TMC1: variants seen among roughly 807,000 people sequenced by gnomAD.
TMC1 encodes transmembrane channel like 1.
A neutral mutation model predicts 105.8 loss-of-function variants in TMC1; 84 were observed. The ratio of observed to expected loss-of-function variants is 0.79; its 90% CI spans 0.67 to 0.95. The LOEUF is 0.95. TMC1 is among the 40% of genes least tolerant of loss of function. The probability of loss-of-function intolerance (pLI) is 0.00; values close to 1 mark genes in which losing one functional copy is unlikely to be tolerated. For synonymous variants in TMC1, 315 were observed against 311.5 expected (o/e 1.01, Z -0.12); for missense variants, 817 against 914.1 (o/e 0.89, Z 1.37).
chr9:72,612,634 T>C (rs975338212), intron 2 of TMC1, among the ~76,000 whole-genome samples: 2 of 152,206 alleles, frequency 1.3e-5, no homozygotes, highest in African/African-American at 4.8e-5. Context: ...TAAAACTTTA[T>C]TTACAAAAAC....
chr9:72,685,232 G>A (rs994394817), intron 5 of TMC1, among the ~76,000 whole-genome samples: 1 of 149,508 alleles, frequency 6.7e-6, no homozygotes, highest in Non-Finnish European at 1.5e-5. Flanking sequence ...TCAGCCTCCC[G>A]AGTAGCTGGG....
At chr9:72,655,827 T>G in intron 5 of TMC1, 1 of 692,428 alleles carries the variant, frequency 1.4e-6, no homozygotes, top group Non-Finnish European at 2.6e-6. Flanking sequence ...ATTAAAATAG[T>G]TGACTTATAC....
At chr9:72,615,919 AT>A (rs1012394770) in intron 2 of TMC1, among the ~76,000 whole-genome samples, 1 of 151,572 alleles carries the variant, frequency 6.6e-6, no homozygotes, top group African/African-American at 2.4e-5. Context: ...CACTCAGCTA[AT>A]TTTTTTTAAT....
chr9:72,653,984 G>C (rs1237664831), intron 5 of TMC1, among the ~76,000 whole-genome samples: 1 of 152,068 alleles, frequency 6.6e-6, no homozygotes, highest in Non-Finnish European at 1.5e-5. Context: ...TCTTTTTATT[G>C]CTGAGTAGTA....
At chr9:72,530,882 G>A (rs1823488700) in intron 1 of TMC1, among the ~76,000 whole-genome samples, 1 of 148,156 alleles carries the variant, frequency 6.7e-6, no homozygotes, top group African/African-American at 2.5e-5. Context: ...GTGCACTGGT[G>A]TGATCTTGAC....
intron 20 of TMC1, among the ~76,000 whole-genome samples, chr9:72,822,640 TC>T (rs1402966554): frequency 1.3e-5 from 2 of 151,734 alleles, no homozygotes; most frequent in African/African-American, 4.8e-5. Context: ...GATGAGACAT[TC>T]GTCTCAATAA....
chr9:72,682,950 A>C (rs1826311834), intron 5 of TMC1, among the ~76,000 whole-genome samples: 1 of 152,198 alleles, frequency 6.6e-6, no homozygotes, highest in African/African-American at 2.4e-5. Flanking sequence ...CCGGAGCAGG[A>C]GGAAGAGAGA....
chr9:72,835,200 A>C (rs1829102293), intron 23 of TMC1, among the ~76,000 whole-genome samples: 1 of 152,060 alleles, frequency 6.6e-6, no homozygotes, highest in Non-Finnish European at 1.5e-5. Flanking sequence ...GTGAAAGTTC[A>C]ATTCAATGTA....
At chr9:72,803,083 C>G (rs1480425626) in intron 17 of TMC1, among the ~76,000 whole-genome samples, 3 of 152,008 alleles carry the variant, frequency 2.0e-5, no homozygotes, top group Non-Finnish European at 2.9e-5. Flanking sequence ...AGATCACAGA[C>G]CTACAGTCAT....
intron 13 of TMC1, among the ~76,000 whole-genome samples, chr9:72,782,768 A>G (rs963579885): frequency 4.6e-5 from 7 of 152,228 alleles, no homozygotes; most frequent in Non-Finnish European, 1.0e-4. Flanking sequence ...GAATTACAGA[A>G]CATAGCTTAA....
chr9:72,567,814 T>G (rs1397422294), intron 1 of TMC1, among the ~76,000 whole-genome samples: 1 of 152,236 alleles, frequency 6.6e-6, no homozygotes, highest in African/African-American at 2.4e-5. Flanking sequence ...GGCACTCATG[T>G]AGTCTTATTT....
intron 2 of TMC1, among the ~76,000 whole-genome samples, chr9:72,609,182 T>C (rs952328157): frequency 2.1e-5 from 1 of 46,554 alleles, no homozygotes; most frequent in Non-Finnish European, 6.2e-5. Flanking sequence ...CCTCCTTCCC[T>C]TCCTTCCTTC....
intron 4 of TMC1, among the ~76,000 whole-genome samples, chr9:72,631,161 G>T (rs186618666): frequency 5.3e-5 from 8 of 152,202 alleles, no homozygotes; most frequent in Middle Eastern, 3.4e-3. Context: ...TTACAGGTGT[G>T]AGCACCACAC....
intron 20 of TMC1, among the ~76,000 whole-genome samples, chr9:72,824,237 T>TG (rs1345841922): frequency 1.3e-5 from 2 of 151,628 alleles, no homozygotes; most frequent in Non-Finnish European, 2.9e-5. Context: ...CCAGAGGGGG[T>TG]GTTACAATGC....
At chr9:72,692,549 A>G (rs1391491345) in intron 6 of TMC1, among the ~76,000 whole-genome samples, 2 of 152,174 alleles carry the variant, frequency 1.3e-5, no homozygotes, top group Non-Finnish European at 2.9e-5. Context: ...ATGTCATCCC[A>G]GTAGTTTAGT....
chr9:72,594,489 G>A (rs1824687848), intron 2 of TMC1, among the ~76,000 whole-genome samples: 1 of 152,168 alleles, frequency 6.6e-6, no homozygotes, highest in African/African-American at 2.4e-5. Context: ...AGGTAGAAGA[G>A]GGCAGATCAC....
At chr9:72,593,927 G>A (rs1374604870) in intron 2 of TMC1, among the ~76,000 whole-genome samples, 1 of 152,130 alleles carries the variant, frequency 6.6e-6, no homozygotes, top group Admixed American at 6.5e-5. Flanking sequence ...CTCCTGCCCA[G>A]GCATGGTGTT....
intron 13 of TMC1, among the ~76,000 whole-genome samples, chr9:72,779,513 G>T (rs111272743): frequency 1.3e-5 from 2 of 152,254 alleles, no homozygotes; most frequent in African/African-American, 4.8e-5. Flanking sequence ...ATGAACCTAA[G>T]AATCCAGTAA....
intron 18 of TMC1, among the ~76,000 whole-genome samples, chr9:72,815,159 T>C (rs905252048): frequency 6.6e-6 from 1 of 152,180 alleles, no homozygotes; most frequent in Admixed American, 6.5e-5. Context: ...GAGCCAGTTT[T>C]ATTGCCCTTG....
Sources: gnomAD v4.1 joint callset for allele counts (sites outside exome capture counted in the v4.1 genomes callset) on GRCh38, gnomAD v4.1.1 for gene constraint, MANE v1.5 for transcripts, NCBI Gene and HGNC (gene_info 2026-07-23, HGNC 2026-07-21) for gene names.